Variants in TENM4 observed in about 807,000 individuals in gnomAD.
TENM4 encodes teneurin-4.
TENM4 carries 82 observed loss-of-function variants against 243.3 expected under a neutral mutation model. The observed-to-expected ratio is 0.34, with a 90% CI of 0.28 to 0.40. The LOEUF (loss-of-function observed/expected upper bound fraction) is 0.40, where lower values mean the gene tolerates loss of function less well. TENM4 is among the 10% of genes least tolerant of loss of function. The probability of loss-of-function intolerance (pLI) is 1.00; values close to 1 mark genes in which losing one functional copy is unlikely to be tolerated. For synonymous variants in TENM4, 1,412 were observed against 1,456.3 expected, an observed-to-expected ratio of 0.97 and a Z score of 0.69; for missense variants, 3,138 against 3,673.3, an observed-to-expected ratio of 0.85 and a Z score of 3.77.
intron 5 of TENM4, among the ~76,000 whole-genome samples, chr11:79,067,070 C>G (rs1860279701): frequency 2.0e-5 from 3 of 152,208 alleles, no homozygotes; most frequent in Admixed American, 2.0e-4. Context: ...AGCCCCTTCC[C>G]AATACCCCCA....
rs372899113 is a variant in TENM4 at position 79,401,933 on chromosome 11, G to A, written c.-321+38576C>T. 8.2e-4 allele frequency: 226 copies of A among 275,578 alleles called. 2 individuals carry two copies. The South Asian group carries it at 9.4e-3, about 11-fold the overall frequency. 17.1% of individuals were successfully genotyped at this position (275,578 alleles called of 1,614,324 possible). A position where few individuals can be genotyped will look rare whatever the true frequency, so the allele number is the denominator to read the frequency against. On this transcript the variant is annotated intron_variant, in intron 1 of 33. Transcript: ENST00000278550. ...CTCAGGAGACAATTCAGGCCTAGAG[G>A]GTCCTCAGGTGGTGGTTGACGCCAT...
chr11:79,118,044 T>C (rs1861657688), intron 4 of TENM4, among the ~76,000 whole-genome samples: 1 of 152,196 alleles, frequency 6.6e-6, no homozygotes, highest in South Asian at 2.1e-4. Flanking sequence ...AGTTGGATGC[T>C]TTACAGATGA....
chr11:79,115,379 G>C (rs1180608778), intron 4 of TENM4, among the ~76,000 whole-genome samples: 1 of 152,072 alleles, frequency 6.6e-6, no homozygotes, highest in East Asian at 1.9e-4. Context: ...TCTCAAATCA[G>C]CAGAAACCAT....
chr11:78,725,743 C>G (rs979064450), intron 23 of TENM4, among the ~76,000 whole-genome samples: 1 of 152,202 alleles, frequency 6.6e-6, no homozygotes, highest in Non-Finnish European at 1.5e-5. Flanking sequence ...ATTGATGAAC[C>G]AAGACGCTGG....
chr11:79,385,559 C>T (rs959087283), intron 1 of TENM4, among the ~76,000 whole-genome samples: 18 of 152,194 alleles, frequency 1.2e-4, no homozygotes, highest in African/African-American at 1.2e-4. Flanking sequence ...TTTTGAAGAG[C>T]GAATAATGCC....
intron 6 of TENM4, among the ~76,000 whole-genome samples, chr11:79,055,266 C>T (rs1376571666): frequency 6.6e-6 from 1 of 151,866 alleles, no homozygotes; most frequent in Non-Finnish European, 1.5e-5. Context: ...TTTTGAGATG[C>T]AGTCTCACTC....
intron 2 of TENM4, among the ~76,000 whole-genome samples, chr11:79,247,289 T>C (rs547710720): frequency 2.0e-5 from 3 of 151,702 alleles, no homozygotes; most frequent in African/African-American, 4.8e-5. Flanking sequence ...TGGTGGCAAG[T>C]GCCTGTGATC....
chr11:79,377,133 A>C (rs190125699), intron 1 of TENM4, among the ~76,000 whole-genome samples: 33 of 152,314 alleles, frequency 2.2e-4, no homozygotes, highest in Middle Eastern at 3.4e-3. Context: ...CTGTGGCCAC[A>C]AGCCAAGGAA....
At chr11:79,290,132 T>C (rs1856329801) in intron 2 of TENM4, among the ~76,000 whole-genome samples, 1 of 152,156 alleles carries the variant, frequency 6.6e-6, no homozygotes, top group Non-Finnish European at 1.5e-5. Flanking sequence ...CTCTCTAATC[T>C]ATAAATGATG....
intron 12 of TENM4, among the ~76,000 whole-genome samples, chr11:78,827,649 C>T (rs1259741942): frequency 2.0e-5 from 3 of 152,128 alleles, no homozygotes; most frequent in African/African-American, 7.2e-5. Context: ...ACCACCATGC[C>T]TGGTTAATTT....
Position 79,080,588 on chromosome 11 carries a change from G to A in TENM4, c.-65-10579C>T, listed in dbSNP as rs142265920. 4.7e-3 allele frequency among the ~76,000 whole-genome samples: 710 copies of A among 152,284 alleles called. 4 individuals are homozygous for A. Among genetic ancestry groups the A allele is most frequent in the Middle Eastern group, 0.031 (9 of 294 alleles). ...TTGGTGCAGCCTGAATGTCCCCCCT[G>A]CACCCCTTTCTCCTGTATCTGACAC... is the stretch of plus-strand genomic sequence containing the variant. On this transcript the variant is annotated intron_variant, in intron 4 of 33. Transcript: ENST00000278550.
chr11:78,815,896 C>T (rs890350531), intron 12 of TENM4, among the ~76,000 whole-genome samples: 1 of 152,242 alleles, frequency 6.6e-6, no homozygotes, highest in Non-Finnish European at 1.5e-5. Context: ...CCCGAGCCTT[C>T]GGGCTCCACG....
intron 12 of TENM4, among the ~76,000 whole-genome samples, chr11:78,820,848 C>A (rs1857710705): frequency 6.6e-6 from 1 of 152,220 alleles, no homozygotes; most frequent in Non-Finnish European, 1.5e-5. Flanking sequence ...CCCAGAAGCA[C>A]AAACACAAGC....
chr11:79,108,034 G>T (rs1186217368), intron 4 of TENM4, among the ~76,000 whole-genome samples: 4 of 152,188 alleles, frequency 2.6e-5, no homozygotes, highest in Non-Finnish European at 1.5e-5. Context: ...TGGGGAAAAG[G>T]TTGGACTACT....
At chr11:79,239,692 A>AT (rs1280247269) in intron 2 of TENM4, among the ~76,000 whole-genome samples, 2 of 152,186 alleles carry the variant, frequency 1.3e-5, no homozygotes, top group Admixed American at 1.3e-4. Flanking sequence ...ATCACTAATC[A>AT]TTGACATTCA....
intron 15 of TENM4, among the ~76,000 whole-genome samples, chr11:78,790,200 A>C (rs898351433): frequency 2.6e-5 from 4 of 152,204 alleles, no homozygotes; most frequent in African/African-American, 7.2e-5. Flanking sequence ...TATCCAAATA[A>C]TCTATAGCTA....
intron 6 of TENM4, among the ~76,000 whole-genome samples, chr11:78,927,125 G>A (rs961521348): frequency 5.9e-5 from 9 of 152,312 alleles, no homozygotes; most frequent in Non-Finnish European, 1.3e-4. Context: ...TTATTTTGCT[G>A]TATGTTTGGA....
chr11:79,123,810 G>A (rs929099444), intron 4 of TENM4, among the ~76,000 whole-genome samples: 1 of 151,994 alleles, frequency 6.6e-6, no homozygotes, highest in Non-Finnish European at 1.5e-5. Flanking sequence ...CACGCAAAAG[G>A]GATTCTGGGG....
chr11:79,053,097 G>A (rs1301877062), intron 6 of TENM4, among the ~76,000 whole-genome samples: 1 of 152,222 alleles, frequency 6.6e-6, no homozygotes, highest in Non-Finnish European at 1.5e-5. Context: ...CAAGAAGATA[G>A]TAATTATATA....
Sources: allele counts gnomAD v4.1 joint callset (sites outside exome capture counted in the v4.1 genomes callset), GRCh38; gene constraint gnomAD v4.1.1; transcripts MANE v1.5; gene names NCBI Gene and HGNC (gene_info 2026-07-23, HGNC 2026-07-21).